The following VIT variants were observed in gnomAD, a reference collection of about 807,000 sequenced individuals.
The protein encoded by VIT is vitrin.
In VIT, 99 loss-of-function variants were observed where a neutral mutation model predicts 78.0. The observed-to-expected ratio is 1.27, with a 90% CI of 1.08 to 1.50. The LOEUF (loss-of-function observed/expected upper bound fraction) is 1.50, where lower values mean the gene tolerates loss of function less well. VIT is among the 40% of genes most tolerant of loss of function. VIT has a pLI of 0.00. For synonymous variants in VIT, 374 were observed against 334.3 expected, an observed-to-expected ratio of 1.12 and a Z score of -1.29; for missense variants, 1,126 against 875.3, an observed-to-expected ratio of 1.29 and a Z score of -3.61.
intron 12 of VIT, among the ~76,000 whole-genome samples, chr2:36,794,478 T>A (rs1171695616): frequency 5.9e-5 from 9 of 152,224 alleles, no homozygotes; most frequent in Admixed American, 4.6e-4. Context: ...GCCATCAACC[T>A]ATGTATCTCG....
chr2:36,715,551 A>T (rs1033060769), intron 1 of VIT, among the ~76,000 whole-genome samples: 3 of 152,104 alleles, frequency 2.0e-5, no homozygotes. Context: ...AAAAATAAAA[A>T]AAAAAAAGAT....
At chr2:36,697,942 C>A (rs1664780237) in intron 1 of VIT, among the ~76,000 whole-genome samples, 1 of 152,134 alleles carries the variant, frequency 6.6e-6, no homozygotes, top group Admixed American at 6.5e-5. Context: ...GGTTGTTTTT[C>A]CCTTGGTCTC....
Position 36,781,712 on chromosome 2 carries a change from A to G in VIT, c.803-15A>G. 1 of 1,614,030 alleles carries G rather than the reference A, an allele frequency of 6.2e-7. No homozygotes were observed. The highest frequency in any genetic ancestry group is 8.5e-7 in the Non-Finnish European group (1 of 1,179,964). On this transcript the variant is annotated splice_polypyrimidine_tract_variant and intron_variant, in intron 9 of 15. Coordinates refer to ENST00000379242, the MANE Select transcript of VIT (RefSeq NM_053276.4). ...TTAAGTAACAAGTTTGTTTCTTTTC[A>G]ATTTTGAAAATCAGGAGAGATGGAC...
chr2:36,735,291 C>T (rs184476735), intron 3 of VIT, among the ~76,000 whole-genome samples: 11 of 152,310 alleles, frequency 7.2e-5, no homozygotes. Context: ...CCCATAGGCC[C>T]ATTCATTCCA....
At chr2:36,762,653 A>C (rs976747690) in intron 6 of VIT, among the ~76,000 whole-genome samples, 1 of 152,152 alleles carries the variant, frequency 6.6e-6, no homozygotes, top group Non-Finnish European at 1.5e-5. Flanking sequence ...GAATTCCTTT[A>C]GTCATTGGGG....
intron 6 of VIT, among the ~76,000 whole-genome samples, chr2:36,760,785 G>A (rs1669069955): frequency 1.3e-5 from 2 of 152,182 alleles, no homozygotes; most frequent in African/African-American, 2.4e-5. Flanking sequence ...AGGTAGATAC[G>A]GATGCCTGGT....
intron 9 of VIT, among the ~76,000 whole-genome samples, chr2:36,777,526 C>G (rs575568466): frequency 2.6e-5 from 4 of 152,244 alleles, no homozygotes; most frequent in African/African-American, 9.6e-5. Context: ...CTCTCTAGTC[C>G]TCAATACTCT....
intron 3 of VIT, among the ~76,000 whole-genome samples, chr2:36,730,406 A>T (rs757537744): frequency 1.5e-4 from 23 of 152,132 alleles, no homozygotes; most frequent in Non-Finnish European, 2.5e-4. Flanking sequence ...ATCTCCAGGG[A>T]CCCAGACTTC....
At position 36,760,129 on chromosome 2, in the gene VIT, T is replaced by G. The variant is rs374568256; in HGVS notation, c.487+1083T>G. ...CCTGCCTCAGCCTCCCGAGTAGCTG[T>G]GACTACAGGCACCTGCCACCACGCC... On this transcript the variant is annotated intron_variant, in intron 6 of 15. Coordinates refer to ENST00000379242, the MANE Select transcript of VIT (RefSeq NM_053276.4). 3.3e-5 allele frequency among the ~76,000 whole-genome samples: 5 copies of G among 152,038 alleles called. 1 individual carries two copies. The highest frequency in any genetic ancestry group is 9.6e-5 in the African/African-American group (4 of 41,468).
chr2:36,766,291 G>T (rs1669423882), intron 6 of VIT, among the ~76,000 whole-genome samples: 1 of 152,220 alleles, frequency 6.6e-6, no homozygotes, highest in Admixed American at 6.5e-5. Flanking sequence ...AGCTTTGGGA[G>T]GCTGAGATGG....
At position 36,808,973 on chromosome 2, in the gene VIT, G is replaced by T. The variant is rs1434347311; in HGVS notation, c.1891G>T (p.Ala631Ser). ...CGACGTCCGGATCCCAGCCATGGCTGCCCATCTGAAGGGTAAGCTGGGCTT... is the reference window on the plus strand; with the variant it reads ...CGACGTCCGGATCCCAGCCATGGCTTCCCATCTGAAGGGTAAGCTGGGCTT... ...YDDVRIPAMA[A>S]HLKGVITYAI... Residue 631 changes from alanine to serine, a missense_variant, in exon 15 of 16, where the codon GCC becomes TCC. Ala to Ser is a moderately conservative substitution (Grantham distance 99, BLOSUM62 1). Transcript: ENST00000379242. The T allele has an allele frequency of 5.0e-6, 8 of 1,587,424 alleles. No individual in the cohort carries two copies. The highest frequency in any genetic ancestry group is 6.9e-6 in the Non-Finnish European group (8 of 1,163,958).
chr2:36,759,291 C>T, intron 6 of VIT: 1 of 1,455,834 alleles, frequency 6.9e-7, no homozygotes, highest in Non-Finnish European at 9.0e-7. Context: ...GTGTCATTTT[C>T]ATTCAGATTG....
chr2:36,772,689 A>G (rs1669834137), intron 7 of VIT, among the ~76,000 whole-genome samples: 1 of 152,264 alleles, frequency 6.6e-6, no homozygotes, highest in Non-Finnish European at 1.5e-5. Context: ...CCTGGGGGAC[A>G]GAGTGAGAGC....
intron 12 of VIT, among the ~76,000 whole-genome samples, chr2:36,800,302 G>T (rs1044396747): frequency 6.6e-6 from 1 of 152,108 alleles, no homozygotes. Context: ...CTGAGATCGC[G>T]CCACTGCACT....
chr2:36,759,380 A>G (rs1668971655), intron 6 of VIT: 1 of 1,380,856 alleles, frequency 7.2e-7, no homozygotes, highest in Non-Finnish European at 9.4e-7. Flanking sequence ...CCTGGCAGCT[A>G]AAAGGAAAAA....
At chr2:36,717,351 T>C (rs1454331977) in intron 2 of VIT, among the ~76,000 whole-genome samples, 2 of 128,442 alleles carry the variant, frequency 1.6e-5, no homozygotes, top group African/African-American at 6.4e-5. Context: ...TGTGTGTGTG[T>C]GTGTGTGTGT....
At chr2:36,788,061 A>G (rs907983790) in intron 12 of VIT, 10 of 279,784 alleles carry the variant, frequency 3.6e-5, no homozygotes, top group Admixed American at 2.1e-4. Context: ...ACAAGCGTGC[A>G]TAATCTTAAA....
In VIT at chr2:36,774,164, T is replaced by A. The variant is rs2148602769; in HGVS notation, c.736+317T>A. Among the ~76,000 whole-genome samples the A allele has an allele frequency of 4.6e-5, 7 of 152,304 alleles. 1 individual carries two copies. In the Middle Eastern group the frequency reaches 0.02, roughly 444 times the overall value. Reference sequence around the variant, plus strand: ...TCTCTGGGGCTTATTTTTGAGGAACTACGGTAAAACACGAAGGGAAATTTG... The same window carrying A: ...TCTCTGGGGCTTATTTTTGAGGAACAACGGTAAAACACGAAGGGAAATTTG... On this transcript the variant is annotated intron_variant, in intron 8 of 15. Transcript: ENST00000379242.
intron 5 of VIT, among the ~76,000 whole-genome samples, chr2:36,758,036 C>T (rs1000462324): frequency 6.6e-6 from 1 of 152,208 alleles, no homozygotes; most frequent in Non-Finnish European, 1.5e-5. Flanking sequence ...CTGTGCCACA[C>T]TGCTTACCAT....
Sources: gnomAD v4.1 joint callset for allele counts (sites outside exome capture counted in the v4.1 genomes callset) on GRCh38, gnomAD v4.1.1 for gene constraint, MANE v1.5 for transcripts, NCBI Gene and HGNC (gene_info 2026-07-23, HGNC 2026-07-21) for gene names.